The following DYNC2H1 variants were observed in gnomAD, a reference collection of about 807,000 sequenced individuals.
The protein encoded by DYNC2H1 is dynein cytoplasmic 2 heavy chain 1.
DYNC2H1 carries 410 observed loss-of-function variants against 570.0 expected under a neutral mutation model. The observed-to-expected ratio is 0.72, with a 90% CI of 0.66 to 0.78. DYNC2H1 has a LOEUF of 0.78. Among genes scored for constraint, DYNC2H1 ranks in the 30% least tolerant of loss-of-function variants. The pLI is 0.00. For synonymous variants in DYNC2H1, 1,688 were observed against 1,677.6 expected, an observed-to-expected ratio of 1.01 and a Z score of -0.15; for missense variants, 4,865 against 5,046.4, an observed-to-expected ratio of 0.96 and a Z score of 1.09.
chr11:103,121,090 CT>C, intron 9 of DYNC2H1, 54 bp downstream of exon 9: 1 of 1,185,496 alleles, frequency 8.4e-7, no homozygotes. Flanking sequence ...TTGTATATTA[CT>C]TTTTTCTTCG....
chr11:103,137,037 T>C (rs2134788667), intron 17 of DYNC2H1, among the ~76,000 whole-genome samples: 1 of 150,368 alleles, frequency 6.7e-6, no homozygotes, highest in South Asian at 2.1e-4. Context: ...TTGAGAAGTG[T>C]CTGTTCATGT....
chr11:103,332,595 C>T (rs72975702), intron 82 of DYNC2H1, among the ~76,000 whole-genome samples: 1 of 152,128 alleles, frequency 6.6e-6, no homozygotes, highest in Non-Finnish European at 1.5e-5. Context: ...CAGCTTTTTC[C>T]TCAGAAGCCA....
intron 85 of DYNC2H1, among the ~76,000 whole-genome samples, chr11:103,442,378 T>C (rs1944298832): frequency 6.6e-6 from 1 of 152,156 alleles, no homozygotes; most frequent in Admixed American, 6.5e-5. Context: ...TAAGTTGGGT[T>C]ATCACCATCA....
intron 79 of DYNC2H1, among the ~76,000 whole-genome samples, chr11:103,314,456 T>C (rs1462514743): frequency 6.6e-6 from 1 of 152,084 alleles, no homozygotes; most frequent in Non-Finnish European, 1.5e-5. Flanking sequence ...GGCATATATA[T>C]TCTTTTCAAC....
chr11:103,282,263 A>G (rs1443446456), intron 72 of DYNC2H1, 34 bp downstream of exon 72: 1 of 1,595,194 alleles, frequency 6.3e-7, no homozygotes, highest in Admixed American at 1.7e-5. Flanking sequence ...TTTTGCTCTT[A>G]AAGAAAATAT....
chr11:103,421,441 A>G (rs1169555024), intron 84 of DYNC2H1, among the ~76,000 whole-genome samples: 1 of 152,200 alleles, frequency 6.6e-6, no homozygotes, highest in South Asian at 2.1e-4. Flanking sequence ...AAAATTGATC[A>G]CATAATTAAT....
intron 87 of DYNC2H1, among the ~76,000 whole-genome samples, chr11:103,464,758 G>T (rs1340957409): frequency 1.3e-5 from 2 of 152,048 alleles, no homozygotes; most frequent in African/African-American, 4.8e-5. Context: ...GGAACCCAAA[G>T]ACCACAAGAA....
chr11:103,348,512 G>T (rs1473362308), intron 82 of DYNC2H1, among the ~76,000 whole-genome samples: 1 of 152,040 alleles, frequency 6.6e-6, no homozygotes, highest in Non-Finnish European at 1.5e-5. Context: ...GGATTAGTTT[G>T]CATTGTCTAG....
intron 83 of DYNC2H1, among the ~76,000 whole-genome samples, chr11:103,392,634 A>G (rs747600353): frequency 2.0e-5 from 3 of 152,028 alleles, no homozygotes; most frequent in African/African-American, 7.2e-5. Flanking sequence ...CTCCACCCCT[A>G]TCTTATTGGC....
chr11:103,142,256 C>T (rs145948805), intron 17 of DYNC2H1, among the ~76,000 whole-genome samples: 2,340 of 152,332 alleles, frequency 0.015, 55 homozygotes, highest in African/African-American at 0.052. Flanking sequence ...GTGAGATGTA[C>T]CTGGTACCTC....
Position 103,264,839 on chromosome 11 carries a change from A to G in DYNC2H1, c.10695+4862A>G, listed in dbSNP as rs1297030464. ...AAGGATGCCCTCTCTCACAACTCCT[A>G]TTCAACATGGTACTGGAAGTTCTGG... is the stretch of plus-strand genomic sequence containing the variant. On this transcript the variant is annotated intron_variant, in intron 70 of 88. Transcript: ENST00000375735. This position sits in a 1 kb window ranked among gnomAD's most constrained non-coding sequence, Gnocchi z 4.8. Among the ~76,000 whole-genome samples, 1 of 152,204 alleles carries G rather than the reference A, an allele frequency of 6.6e-6. No individual in the cohort carries two copies. The highest frequency in any genetic ancestry group is 1.5e-5 in the Non-Finnish European group (1 of 68,034).
chr11:103,148,000 T>C, intron 19 of DYNC2H1, 113 bp downstream of exon 19: 1 of 738,026 alleles, frequency 1.4e-6, no homozygotes, highest in Non-Finnish European at 2.1e-6. Context: ...ACTGAACTAA[T>C]TTAAAAAAAG....
chr11:103,253,584 TG>T lies in DYNC2H1; in HGVS notation c.10206+138del, dbSNP rs1591478751. The T allele has an allele frequency of 4.7e-6, 4 of 851,358 alleles. No homozygotes were observed. In the East Asian group the frequency reaches 1.1e-4, roughly 23 times the overall value. The allele number at this position is 851,358 out of a possible 1,614,324, so 52.7% of individuals were successfully genotyped here. A position where few individuals can be genotyped will look rare whatever the true frequency, so the allele number is the denominator to read the frequency against. ...GATTTTGAAAATAATACTTGTATGT[TG>T]GAGTGAAGCATTCTGGCTTATTTCA... is the stretch of plus-strand genomic sequence containing the variant. On this transcript the variant is annotated intron_variant, in intron 66 of 88. Transcript: ENST00000375735.
intron 70 of DYNC2H1, among the ~76,000 whole-genome samples, chr11:103,270,369 G>T (rs1428178887): frequency 6.6e-6 from 1 of 151,830 alleles, no homozygotes; most frequent in Non-Finnish European, 1.5e-5. Flanking sequence ...ATATATGTAG[G>T]CTTTGGTATT....
At chr11:103,258,359 C>T (rs1219311010) in intron 69 of DYNC2H1, among the ~76,000 whole-genome samples, 1 of 152,190 alleles carries the variant, frequency 6.6e-6, no homozygotes, top group African/African-American at 2.4e-5. Context: ...CCCATATATG[C>T]ACATTGTTCT....
intron 83 of DYNC2H1, among the ~76,000 whole-genome samples, chr11:103,387,981 G>A (rs1399529751): frequency 6.6e-6 from 1 of 152,176 alleles, no homozygotes; most frequent in Admixed American, 6.5e-5. Flanking sequence ...ACTTGGCAAT[G>A]CAGGCTCTTT....
intron 12 of DYNC2H1, 82 bp from the exon 13 acceptor site, chr11:103,128,828 T>TA: frequency 8.3e-7 from 1 of 1,205,742 alleles, no homozygotes; most frequent in South Asian, 1.5e-5. Context: ...TGAGAAAAGT[T>TA]AACATTTTCA....
At chr11:103,375,001 G>C (rs1455797481) in intron 83 of DYNC2H1, among the ~76,000 whole-genome samples, 2 of 152,178 alleles carry the variant, frequency 1.3e-5, no homozygotes, top group Admixed American at 1.3e-4. Flanking sequence ...CAGGCCAGGG[G>C]CCTAGGAGAG....
chr11:103,217,030 T>A (rs1863412267), intron 55 of DYNC2H1, among the ~76,000 whole-genome samples: 1 of 152,172 alleles, frequency 6.6e-6, no homozygotes, highest in Non-Finnish European at 1.5e-5. Context: ...TCAATTTTAT[T>A]TCCCTGACTA....
Sources: allele counts gnomAD v4.1 joint callset (sites outside exome capture counted in the v4.1 genomes callset), GRCh38; gene constraint gnomAD v4.1.1; non-coding constraint Gnocchi (gnomAD v3.1); transcripts MANE v1.5; gene names NCBI Gene and HGNC (gene_info 2026-07-23, HGNC 2026-07-21).